Variants in ALK observed in about 807,000 individuals in gnomAD.
ALK encodes the protein ALK tyrosine kinase receptor.
A neutral mutation model predicts 163.1 loss-of-function variants in ALK; 74 were observed. The observed-to-expected ratio is 0.45, with a 90% confidence interval of 0.38 to 0.55. The LOEUF is 0.55. Among genes scored for constraint, ALK ranks in the 20% least tolerant of loss-of-function variants. The pLI is 0.00. For missense variants in ALK, 2,063 were observed against 2,105.3 expected, an observed-to-expected ratio of 0.98 and a Z score of 0.39; for synonymous variants, 960 against 843.2, an observed-to-expected ratio of 1.14 and a Z score of -2.40.
chr2:29,897,210 C>T (rs1470277447), intron 1 of ALK, among the ~76,000 whole-genome samples: 1 of 151,964 alleles, frequency 6.6e-6, no homozygotes, highest in Non-Finnish European at 1.5e-5. Context: ...ATCCCAGCTA[C>T]TCGGAAGGCT....
intron 3 of ALK, among the ~76,000 whole-genome samples, chr2:29,644,076 T>C (rs1433147494): frequency 6.6e-6 from 1 of 151,970 alleles, no homozygotes; most frequent in Non-Finnish European, 1.5e-5. Context: ...CCATAAAAAA[T>C]GATGAGTTCA....
intron 3 of ALK, among the ~76,000 whole-genome samples, chr2:29,604,378 A>C (rs1488790426): frequency 6.6e-6 from 1 of 152,184 alleles, no homozygotes; most frequent in African/African-American, 2.4e-5. Context: ...GAAGCAGAGA[A>C]GGGCCATGCT....
intron 2 of ALK, among the ~76,000 whole-genome samples, chr2:29,700,946 C>G (rs1460027045): frequency 6.6e-6 from 1 of 152,192 alleles, no homozygotes; most frequent in Non-Finnish European, 1.5e-5. Context: ...ACTCCCAAAG[C>G]AGTCAGGCCC....
At position 29,687,723 on chromosome 2, in the gene ALK, T is replaced by C. The variant is rs533843627; in HGVS notation, c.952+7127A>G. 4.6e-5 allele frequency among the ~76,000 whole-genome samples: 7 copies of C among 152,288 alleles called. No homozygotes were observed. In the South Asian group the frequency reaches 1.0e-3, roughly 23 times the overall value. On this transcript the variant is annotated intron_variant, in intron 3 of 28. Transcript: ENST00000389048. Reference sequence around the variant, plus strand: ...TTTATCCTTATGTACATAGTTCTTTTTTTCTTTTACAAACAATTTCTACTA... The same window carrying C: ...TTTATCCTTATGTACATAGTTCTTTCTTTCTTTTACAAACAATTTCTACTA...
chr2:29,775,325 G>A (rs889068202), intron 1 of ALK, among the ~76,000 whole-genome samples: 14 of 152,144 alleles, frequency 9.2e-5, no homozygotes, highest in African/African-American at 3.4e-4. Context: ...TTTCACTGAA[G>A]TCCATAATTT....
At chr2:29,341,594 C>A (rs1443693463) in intron 5 of ALK, among the ~76,000 whole-genome samples, 1 of 152,154 alleles carries the variant, frequency 6.6e-6, no homozygotes, top group Non-Finnish European at 1.5e-5. Flanking sequence ...TGCATTCCAG[C>A]CTGGACAACA....
At chr2:29,413,442 G>A (rs1669781552) in intron 4 of ALK, among the ~76,000 whole-genome samples, 1 of 152,032 alleles carries the variant, frequency 6.6e-6, no homozygotes, top group African/African-American at 2.4e-5. Flanking sequence ...CGCCTCCCAG[G>A]TTCAATTGAT....
chr2:29,264,925 C>T (rs1202776231), intron 11 of ALK, among the ~76,000 whole-genome samples: 2 of 152,124 alleles, frequency 1.3e-5, no homozygotes, highest in Non-Finnish European at 2.9e-5. Flanking sequence ...CTCTCACATA[C>T]TCACTCGAAC....
At chr2:29,914,151 G>T (rs1420543579) in intron 1 of ALK, among the ~76,000 whole-genome samples, 1 of 152,200 alleles carries the variant, frequency 6.6e-6, no homozygotes, top group African/African-American at 2.4e-5. Context: ...AAAGGCTTAC[G>T]AGAGGACATT....
At chr2:29,775,751 A>G (rs1681158657) in intron 1 of ALK, among the ~76,000 whole-genome samples, 1 of 152,168 alleles carries the variant, frequency 6.6e-6, no homozygotes, top group African/African-American at 2.4e-5. Context: ...TCCATAGCCT[A>G]TTGTGAGGAT....
chr2:29,456,257 A>C (rs1189620076), intron 4 of ALK, among the ~76,000 whole-genome samples: 1 of 152,202 alleles, frequency 6.6e-6, no homozygotes, highest in Non-Finnish European at 1.5e-5. Context: ...AGTCAAATAG[A>C]TATTTGTACA....
intron 1 of ALK, among the ~76,000 whole-genome samples, chr2:29,733,809 G>C (rs530034071): frequency 6.6e-6 from 1 of 152,176 alleles, no homozygotes; most frequent in South Asian, 2.1e-4. Flanking sequence ...ACACACCCAC[G>C]GGGATCCGGC....
At chr2:29,748,568 C>T (rs909462734) in intron 1 of ALK, among the ~76,000 whole-genome samples, 1 of 152,134 alleles carries the variant, frequency 6.6e-6, no homozygotes, top group African/African-American at 2.4e-5. Flanking sequence ...TTCTAAAATT[C>T]ACTGGGTGAA....
intron 1 of ALK, among the ~76,000 whole-genome samples, chr2:29,796,962 A>G (rs1405610699): frequency 2.0e-5 from 3 of 151,818 alleles, no homozygotes; most frequent in Non-Finnish European, 4.4e-5. Flanking sequence ...AATTACATAC[A>G]TATATACATA....
intron 4 of ALK, among the ~76,000 whole-genome samples, chr2:29,479,988 C>G (rs567553942): frequency 2.0e-5 from 3 of 152,356 alleles, no homozygotes; most frequent in African/African-American, 7.2e-5. Context: ...CTCCCTTCAA[C>G]TAACCGTTCC....
At chr2:29,369,636 C>T (rs984770043) in intron 5 of ALK, among the ~76,000 whole-genome samples, 1 of 152,112 alleles carries the variant, frequency 6.6e-6, no homozygotes, top group Non-Finnish European at 1.5e-5. Context: ...AGGTTTCTTC[C>T]CTTCACAAAA....
intron 4 of ALK, among the ~76,000 whole-genome samples, chr2:29,406,570 C>T (rs1421225484): frequency 6.6e-6 from 1 of 152,116 alleles, no homozygotes; most frequent in South Asian, 2.1e-4. Flanking sequence ...CTGCATGGAG[C>T]TGGGAGGGTA....
At position 29,565,134 on chromosome 2, in the gene ALK, T is replaced by C. The variant is rs575021867; in HGVS notation, c.953-33018A>G. On this transcript the variant is annotated intron_variant, in intron 3 of 28. Transcript: ENST00000389048. Reference sequence around the variant, plus strand: ...GGTGACAACGTGATATGGTGCCCTTTGGGGTCATGAAGTGACATTGCCCTC... The same window carrying C: ...GGTGACAACGTGATATGGTGCCCTTCGGGGTCATGAAGTGACATTGCCCTC... Among the ~76,000 whole-genome samples, 3 of 152,360 alleles carry C rather than the reference T, an allele frequency of 2.0e-5. No individual in the cohort carries two copies. The South Asian group carries it at 6.2e-4, about 32-fold the overall frequency.
intron 4 of ALK, among the ~76,000 whole-genome samples, chr2:29,510,045 G>C (rs1672466982): frequency 6.6e-6 from 1 of 152,142 alleles, no homozygotes; most frequent in Non-Finnish European, 1.5e-5. Context: ...ACTGGGTTTG[G>C]GCCAAGGTGG....
Sources: allele counts gnomAD v4.1 joint callset (sites outside exome capture counted in the v4.1 genomes callset), GRCh38; gene constraint gnomAD v4.1.1; transcripts MANE v1.5; gene names NCBI Gene and HGNC (gene_info 2026-07-23, HGNC 2026-07-21).